COL25A1: variants seen among roughly 807,000 people sequenced by gnomAD.
COL25A1 encodes collagen type XXV alpha 1 chain.
COL25A1 carries 103 observed loss-of-function variants against 128.4 expected under a neutral mutation model. That is an observed-to-expected ratio of 0.80 (90% CI 0.68 to 0.94). COL25A1 has a LOEUF of 0.94. COL25A1 is among the 40% of genes least tolerant of loss of function. The pLI is 0.00. For synonymous variants in COL25A1, 279 were observed against 277.2 expected (o/e 1.01, Z -0.06); for missense variants, 745 against 840.0 (o/e 0.89, Z 1.40).
At chr4:109,138,168 G>C (rs1424746092) in intron 3 of COL25A1, among the ~76,000 whole-genome samples, 1 of 152,056 alleles carries the variant, frequency 6.6e-6, no homozygotes, top group Non-Finnish European at 1.5e-5. Flanking sequence ...CCTGGTGTGT[G>C]ATGTTCCTCT....
At chr4:109,001,552 G>C (rs36191788) in intron 6 of COL25A1, among the ~76,000 whole-genome samples, 8,574 of 152,318 alleles carry the variant, frequency 0.056, 328 homozygotes, top group Non-Finnish European at 0.087. Flanking sequence ...GTATAAGGTA[G>C]AAAGGGAATG....
chr4:109,070,627 G>C (rs1400362518), intron 3 of COL25A1, among the ~76,000 whole-genome samples: 6 of 151,764 alleles, frequency 4.0e-5, no homozygotes, highest in Middle Eastern at 3.4e-3. Flanking sequence ...ATGTTGGTGT[G>C]CTGCACCCAT....
chr4:109,055,717 C>T (rs1214311761), intron 3 of COL25A1, among the ~76,000 whole-genome samples: 1 of 152,162 alleles, frequency 6.6e-6, no homozygotes, highest in Non-Finnish European at 1.5e-5. Context: ...ATCCTTGTAT[C>T]TCCAGCAGCA....
chr4:109,126,560 C>G (rs1336064118), intron 3 of COL25A1, among the ~76,000 whole-genome samples: 1 of 152,130 alleles, frequency 6.6e-6, no homozygotes, highest in South Asian at 2.1e-4. Context: ...TATAACAGCT[C>G]TTCTTATTTT....
intron 36 of COL25A1, 127 bp downstream of exon 36, chr4:108,819,125 T>C (rs1171284872): frequency 1.7e-6 from 1 of 591,504 alleles, no homozygotes. Flanking sequence ...AGCCTGTTCA[T>C]GCACATGCAT....
chr4:108,922,856 T>C (rs941512623), intron 11 of COL25A1, among the ~76,000 whole-genome samples: 1 of 152,240 alleles, frequency 6.6e-6, no homozygotes. Context: ...TTTTCATAAC[T>C]ATGCTGCCAA....
intron 3 of COL25A1, among the ~76,000 whole-genome samples, chr4:109,155,685 A>G (rs1371998372): frequency 6.6e-6 from 1 of 152,240 alleles, no homozygotes; most frequent in East Asian, 1.9e-4. Context: ...AAATTATCAC[A>G]GACTAATCTA....
Position 108,983,840 on chromosome 4 carries a change from T to C in COL25A1, c.439-9281A>G, listed in dbSNP as rs575250860. On this transcript the variant is annotated intron_variant, in intron 6 of 37. Transcript: ENST00000399132. ...CCTTCGCAGTGAGTGTTGCAGCTCA[T>C]AATGGCAGTGTGGACCCGAAGAGTG... Among the ~76,000 whole-genome samples the C allele has an allele frequency of 2.6e-4, 39 of 152,214 alleles. No individual in the cohort carries two copies. The South Asian group carries it at 7.7e-3, about 30-fold the overall frequency.
At chr4:109,161,053 A>G (rs1307116333) in intron 3 of COL25A1, among the ~76,000 whole-genome samples, 1 of 152,032 alleles carries the variant, frequency 6.6e-6, no homozygotes, top group African/African-American at 2.4e-5. Context: ...GTCCAGGTTA[A>G]TTTCAAACTC....
chr4:109,060,389 C>A (rs531375548), intron 3 of COL25A1, among the ~76,000 whole-genome samples: 1 of 152,174 alleles, frequency 6.6e-6, no homozygotes, highest in Admixed American at 6.5e-5. Flanking sequence ...CCATGGCCCC[C>A]TTGACCCCCA....
intron 13 of COL25A1, among the ~76,000 whole-genome samples, chr4:108,904,879 AC>A (rs1370000062): frequency 1.3e-5 from 2 of 150,448 alleles, no homozygotes; most frequent in African/African-American, 4.9e-5. Context: ...AGTTGGACTG[AC>A]TTTTAAGAAG....
chr4:109,009,394 G>A (rs921460853), intron 6 of COL25A1, among the ~76,000 whole-genome samples: 3 of 152,102 alleles, frequency 2.0e-5, no homozygotes, highest in African/African-American at 7.2e-5. Flanking sequence ...AAAAGAACTT[G>A]TTTACTGAAG....
chr4:109,261,118 G>T (rs1781417015), intron 3 of COL25A1, among the ~76,000 whole-genome samples: 1 of 152,060 alleles, frequency 6.6e-6, no homozygotes, highest in East Asian at 1.9e-4. Context: ...TTTCCTTGAG[G>T]TTTTATTATC....
rs187071535 is a variant in COL25A1 at position 109,220,332 on chromosome 4, G to A, written c.367+80251C>T. ...TTGAGATTACGCAGACATCCATTTC[G>A]CTTCAGGTACTTGTGGTTTATCTCA... On this transcript the variant is annotated intron_variant, in intron 3 of 37. Coordinates refer to ENST00000399132, the MANE Select transcript of COL25A1 (RefSeq NM_198721.4). Among the ~76,000 whole-genome samples, 70 of 152,216 alleles carry A rather than the reference G, an allele frequency of 4.6e-4. No individual in the cohort carries two copies. In the South Asian group the frequency reaches 8.7e-3, roughly 19 times the overall value.
intron 3 of COL25A1, among the ~76,000 whole-genome samples, chr4:109,097,005 T>G (rs1022413701): frequency 6.6e-6 from 1 of 152,086 alleles, no homozygotes; most frequent in Non-Finnish European, 1.5e-5. Context: ...AACAGAACAA[T>G]AGGAAAAAAG....
At chr4:109,109,199 G>A (rs1347704085) in intron 3 of COL25A1, among the ~76,000 whole-genome samples, 3 of 151,948 alleles carry the variant, frequency 2.0e-5, no homozygotes, top group African/African-American at 4.8e-5. Context: ...AGCTATTCCA[G>A]TGCCTCATCT....
rs371566719 is a variant in COL25A1, at chr4:108,951,675, C to T, written c.493-10238G>A. 2.5e-4 allele frequency among the ~76,000 whole-genome samples: 38 copies of T among 152,282 alleles called. 1 individual carries two copies. The South Asian group carries it at 4.1e-3, about 17-fold the overall frequency. ...CGTTGGGATTACAGGCGTAAGCCAC[C>T]GCGCCCAGCCAAAATATTTTTTCTT... On this transcript the variant is annotated intron_variant, in intron 8 of 37. Coordinates refer to ENST00000399132, the MANE Select transcript of COL25A1 (RefSeq NM_198721.4).
At chr4:109,131,070 T>C (rs1209895553) in intron 3 of COL25A1, among the ~76,000 whole-genome samples, 1 of 152,162 alleles carries the variant, frequency 6.6e-6, no homozygotes, top group African/African-American at 2.4e-5. Flanking sequence ...TCAAATAATT[T>C]CACAATAAGA....
At chr4:108,840,239 T>A (rs1299905071) in intron 31 of COL25A1, among the ~76,000 whole-genome samples, 2 of 90,184 alleles carry the variant, frequency 2.2e-5, no homozygotes, top group East Asian at 3.6e-4. Context: ...CGAAACGCCA[T>A]CTCAAAAAAA....
Sources: allele counts gnomAD v4.1 joint callset (sites outside exome capture counted in the v4.1 genomes callset), GRCh38; gene constraint gnomAD v4.1.1; transcripts MANE v1.5; gene names NCBI Gene and HGNC (gene_info 2026-07-23, HGNC 2026-07-21).